Variants in TEX9 observed in about 807,000 individuals in gnomAD.
The protein encoded by TEX9 is testis-expressed protein 9.
Under a neutral mutation model 59.6 loss-of-function variants are expected in TEX9, and 74 were observed. That is an observed-to-expected ratio of 1.24 (90% CI 1.03 to 1.51). The LOEUF is 1.51. TEX9 is among the 40% of genes most tolerant of loss of function. The pLI, the probability that TEX9 is intolerant of heterozygous loss-of-function variation, is 0.00. For synonymous variants in TEX9, 186 were observed against 152.2 expected, an observed-to-expected ratio of 1.22 and a Z score of -1.64; for missense variants, 522 against 447.8, an observed-to-expected ratio of 1.17 and a Z score of -1.49.
chr15:56,342,733 G>T (rs2046396633), intron 1 of TEX9, among the ~76,000 whole-genome samples: 1 of 152,146 alleles, frequency 6.6e-6, no homozygotes, highest in South Asian at 2.1e-4. Flanking sequence ...ATGTGGTTTT[G>T]TTAAGGAGTG....
At chr15:56,431,888 A>C (rs1331791223) in intron 12 of TEX9, among the ~76,000 whole-genome samples, 1 of 151,940 alleles carries the variant, frequency 6.6e-6, no homozygotes, top group African/African-American at 2.4e-5. Context: ...AGAAATATCT[A>C]AAGGATATTT....
At chr15:56,302,264 G>T (rs1249983529) in intron 1 of TEX9, among the ~76,000 whole-genome samples, 2 of 151,752 alleles carry the variant, frequency 1.3e-5, no homozygotes, top group Non-Finnish European at 2.9e-5. Context: ...AAGGCAGGAG[G>T]ATTGCTTGAG....
chr15:56,260,549 A>G (rs370564527), intron 1 of TEX9, among the ~76,000 whole-genome samples: 2 of 152,244 alleles, frequency 1.3e-5, no homozygotes, highest in South Asian at 4.1e-4. Flanking sequence ...GAAGTAAGTT[A>G]TATTGATTAA....
chr15:56,267,903 A>G lies in TEX9; in HGVS notation c.-107+23625A>G, dbSNP rs535672003. Among the ~76,000 whole-genome samples, 317 of 152,300 alleles carry G rather than the reference A, an allele frequency of 2.1e-3. 2 individuals carry two copies. The highest frequency in any genetic ancestry group is 3.7e-3 in the Non-Finnish European group (249 of 68,018). On this transcript the variant is annotated intron_variant, in intron 1 of 5. Transcript: ENST00000560827. ...GCTTGATGGGGATGGCATTGAATCT[A>G]TAAATTACCTTAAACAGTATGGCCA...
chr15:56,371,853 A>G (rs1320280658), intron 2 of TEX9, among the ~76,000 whole-genome samples: 1 of 152,108 alleles, frequency 6.6e-6, no homozygotes, highest in Non-Finnish European at 1.5e-5. Context: ...CTGTGGTTCT[A>G]GTTTCATTTC....
chr15:56,331,006 G>A (rs1173114013), intron 1 of TEX9, among the ~76,000 whole-genome samples: 4 of 152,130 alleles, frequency 2.6e-5, no homozygotes, highest in Admixed American at 6.5e-5. Context: ...AGCAGGAGTT[G>A]CTCTGTTTAT....
chr15:56,407,025 T>C (rs1424060316), intron 9 of TEX9, among the ~76,000 whole-genome samples: 1 of 152,112 alleles, frequency 6.6e-6, no homozygotes, highest in African/African-American at 2.4e-5. Context: ...AAGAAATCTT[T>C]ATCCACTCCA....
intron 10 of TEX9, among the ~76,000 whole-genome samples, chr15:56,423,296 G>C (rs1397081947): frequency 6.6e-6 from 1 of 152,124 alleles, no homozygotes; most frequent in Non-Finnish European, 1.5e-5. Flanking sequence ...TTTGCCTCAT[G>C]ATATTTTCCA....
At chr15:56,401,809 A>T (rs2048800139) in intron 9 of TEX9, among the ~76,000 whole-genome samples, 1 of 152,240 alleles carries the variant, frequency 6.6e-6, no homozygotes, top group South Asian at 2.1e-4. Flanking sequence ...ATCAAATTAG[A>T]ACTCAGGATT....
intron 1 of TEX9, among the ~76,000 whole-genome samples, chr15:56,251,020 T>C (rs1490195692): frequency 1.3e-5 from 2 of 152,170 alleles, no homozygotes; most frequent in African/African-American, 4.8e-5. Context: ...TTTGAGAAGA[T>C]GTCTTTGGAT....
At chr15:56,365,410 G>A (rs1232249698), upstream of TEX9, 1 of 1,598,734 alleles carries the variant, frequency 6.3e-7, no homozygotes, top group East Asian at 2.2e-5. Flanking sequence ...CTCGCGGGAA[G>A]ATGCGTCGTT....
chr15:56,445,218 A>T (rs1231869898), intron 12 of TEX9, among the ~76,000 whole-genome samples: 1 of 152,058 alleles, frequency 6.6e-6, no homozygotes, highest in African/African-American at 2.4e-5. Flanking sequence ...TTATCTGAAA[A>T]GAATCACAGA....
intron 1 of TEX9, among the ~76,000 whole-genome samples, chr15:56,267,682 T>C (rs550446035): frequency 6.6e-6 from 1 of 152,316 alleles, no homozygotes; most frequent in Admixed American, 6.5e-5. Flanking sequence ...GTTTCATTGA[T>C]CTCTATCTCT....
chr15:56,446,875 A>G (rs1297753631), downstream of TEX9: 6 of 1,610,670 alleles, frequency 3.7e-6, no homozygotes, highest in Non-Finnish European at 5.1e-6. Flanking sequence ...CTTTTCAGCA[A>G]TCTGAGCTGC....
intron 10 of TEX9, among the ~76,000 whole-genome samples, chr15:56,421,246 TATC>T (rs2049963666): frequency 6.6e-6 from 1 of 151,916 alleles, no homozygotes; most frequent in Non-Finnish European, 1.5e-5. Context: ...TAATACCCAG[TATC>T]TAAGAAGATT....
intron 1 of TEX9, among the ~76,000 whole-genome samples, chr15:56,315,065 C>T (rs2045720767): frequency 6.6e-6 from 1 of 151,284 alleles, no homozygotes; most frequent in East Asian, 1.9e-4. Flanking sequence ...AGATGGGTTT[C>T]CTGAATACAG....
chr15:56,428,395 C>G, exon 12 of TEX9: 1 of 1,612,042 alleles, frequency 6.2e-7, no homozygotes, highest in South Asian at 1.1e-5. Flanking sequence ...AAGATGCTAT[C>G]TTTCACTGAG....
At chr15:56,310,203 AGTT>A (rs1188064621) in intron 1 of TEX9, among the ~76,000 whole-genome samples, 1 of 152,180 alleles carries the variant, frequency 6.6e-6, no homozygotes, top group Non-Finnish European at 1.5e-5. Flanking sequence ...AGGCTGAGGC[AGTT>A]GGACCACCTG....
chr15:56,420,882 T>G (rs1169043919), intron 10 of TEX9, among the ~76,000 whole-genome samples: 1 of 152,000 alleles, frequency 6.6e-6, no homozygotes, highest in African/African-American at 2.4e-5. Flanking sequence ...TTACTGATTT[T>G]TAATTCCATT....
Sources: gnomAD v4.1 joint callset for allele counts (sites outside exome capture counted in the v4.1 genomes callset) on GRCh38, gnomAD v4.1.1 for gene constraint, MANE v1.5 for transcripts, NCBI Gene and HGNC (gene_info 2026-07-23, HGNC 2026-07-21) for gene names.